B3GALT1: variants seen among roughly 807,000 people sequenced by gnomAD.
B3GALT1 encodes the protein UDP-Gal:betaGlcNAc beta 1,3-galactosyltransferase, polypeptide 1.
Under a neutral mutation model 23.2 loss-of-function variants are expected in B3GALT1, and 10 were observed. That is an observed-to-expected ratio of 0.43 (90% CI 0.27 to 0.73). B3GALT1 has a LOEUF of 0.73. B3GALT1 is among the 30% of genes least tolerant of loss of function. B3GALT1 has a pLI of 0.21. For synonymous variants in B3GALT1, 156 were observed against 141.5 expected, an observed-to-expected ratio of 1.10 and a Z score of -0.73; for missense variants, 299 against 405.4, an observed-to-expected ratio of 0.74 and a Z score of 2.25.
chr2:167,325,104 C>T (rs1696872113), intron 1 of B3GALT1, among the ~76,000 whole-genome samples: 1 of 152,080 alleles, frequency 6.6e-6, no homozygotes, highest in African/African-American at 2.4e-5. Flanking sequence ...TCCCATTTAT[C>T]CATTGATAGG....
At chr2:167,512,605 T>TAC (rs1423399130) in intron 2 of B3GALT1, among the ~76,000 whole-genome samples, 4 of 102,692 alleles carry the variant, frequency 3.9e-5, no homozygotes, top group African/African-American at 2.1e-4. Context: ...TATATATATA[T>TAC]ATGTATATAT....
intron 2 of B3GALT1, among the ~76,000 whole-genome samples, chr2:167,616,727 A>G (rs1685168557): frequency 6.6e-6 from 1 of 151,938 alleles, no homozygotes; most frequent in African/African-American, 2.4e-5. Flanking sequence ...TAACAAGAAT[A>G]TATACTGAAA....
chr2:167,775,568 C>A (rs1406697936), intron 3 of B3GALT1, among the ~76,000 whole-genome samples: 391 of 133,606 alleles, frequency 2.9e-3, no homozygotes, highest in Non-Finnish European at 4.2e-3. Flanking sequence ...GACGCTGTCT[C>A]AAAAAAAAAA....
In B3GALT1 at chr2:167,411,547, T is replaced by C. The variant is rs553644612; in HGVS notation, c.-510-78630T>C. On this transcript the variant is annotated intron_variant, in intron 1 of 4. Transcript: ENST00000392690. ...ATCTCACCCCAGTTAAGACTGCTTG[T>C]ATCAATAGACAGGCAATGACATCTG... 2.0e-5 allele frequency among the ~76,000 whole-genome samples: 3 copies of C among 152,310 alleles called. No homozygotes were observed. The South Asian group carries it at 6.2e-4, about 32-fold the overall frequency.
rs1199857773 is a variant in B3GALT1 at position 167,825,439 on chromosome 2, TGTGTGTGTGTGTGTGTGCGTGCAC to T, written c.-230+6661_-230+6684del. On this transcript the variant is annotated intron_variant, in intron 4 of 4. Transcript: ENST00000392690. ...AGAACCAATAAGATATATGCAGGGG[TGTGTGTGTGTGTGTGTGCGTGCAC>T]GTGTGTGTGTGTGTTATATATAAAT... 9.7e-5 allele frequency among the ~76,000 whole-genome samples: 14 copies of T among 144,418 alleles called. 1 individual carries two copies. The highest frequency in any genetic ancestry group is 2.3e-4 in the African/African-American group (9 of 38,926). The allele number at this position is 144,418 out of a possible 152,430, so 94.7% of individuals were successfully genotyped here.
intron 2 of B3GALT1, among the ~76,000 whole-genome samples, chr2:167,490,967 A>G (rs1310912992): frequency 1.3e-5 from 2 of 152,158 alleles, no homozygotes; most frequent in Admixed American, 6.5e-5. Flanking sequence ...TAACAAAATG[A>G]TAAAGAAGCT....
At chr2:167,352,193 T>G (rs1697320456) in intron 1 of B3GALT1, among the ~76,000 whole-genome samples, 1 of 149,722 alleles carries the variant, frequency 6.7e-6, no homozygotes, top group African/African-American at 2.5e-5. Flanking sequence ...GGTCTTGATC[T>G]CCTGACCTCG....
rs978087639 is a variant in B3GALT1 at position 167,415,856 on chromosome 2, A to G, written c.-510-74321A>G. 1.1e-4 allele frequency among the ~76,000 whole-genome samples: 17 copies of G among 152,344 alleles called. 1 individual carries two copies. Among genetic ancestry groups the G allele is most frequent in the South Asian group, 1.0e-3 (5 of 4,830 alleles). ...AGGGCTTTATGGATTGTAGAATTTA[A>G]GAGCAATGAATTAGGATATCTGATG... On this transcript the variant is annotated intron_variant, in intron 1 of 4. Transcript: ENST00000392690.
intron 4 of B3GALT1, among the ~76,000 whole-genome samples, chr2:167,847,307 A>G (rs1366539048): frequency 2.6e-5 from 4 of 152,216 alleles, no homozygotes; most frequent in Non-Finnish European, 4.4e-5. Flanking sequence ...GGCACATGGA[A>G]CTTTCTCCAA....
At chr2:167,370,669 C>T (rs1697668265) in intron 1 of B3GALT1, among the ~76,000 whole-genome samples, 1 of 152,130 alleles carries the variant, frequency 6.6e-6, no homozygotes, top group South Asian at 2.1e-4. Flanking sequence ...TGGGCTCTGT[C>T]TCCATGGTGT....
chr2:167,566,804 G>T (rs984487654), intron 2 of B3GALT1, among the ~76,000 whole-genome samples: 1 of 152,138 alleles, frequency 6.6e-6, no homozygotes, highest in Admixed American at 6.6e-5. Flanking sequence ...TTAAAAGGCA[G>T]TGTCAGTGAC....
intron 2 of B3GALT1, among the ~76,000 whole-genome samples, chr2:167,619,806 A>C (rs758421932): frequency 2.5e-4 from 38 of 151,006 alleles, no homozygotes; most frequent in Admixed American, 7.2e-4. Flanking sequence ...CTATTCATTC[A>C]TTTAGTCAGT....
chr2:167,482,090 C>T (rs1051952303), intron 1 of B3GALT1, among the ~76,000 whole-genome samples: 1 of 152,068 alleles, frequency 6.6e-6, no homozygotes, highest in African/African-American at 2.4e-5. Flanking sequence ...TAAGTTTAAA[C>T]AGCACAAATT....
At chr2:167,766,540 A>G (rs1687979159) in intron 3 of B3GALT1, among the ~76,000 whole-genome samples, 2 of 152,222 alleles carry the variant, frequency 1.3e-5, no homozygotes. Context: ...TGGGAATTTA[A>G]CCATGCCAAT....
chr2:167,441,165 A>G (rs1698887351), intron 1 of B3GALT1, among the ~76,000 whole-genome samples: 1 of 152,168 alleles, frequency 6.6e-6, no homozygotes. Context: ...GTGCATGACT[A>G]GTTCACATTC....
chr2:167,458,368 C>G (rs928347294), intron 1 of B3GALT1, among the ~76,000 whole-genome samples: 2 of 152,172 alleles, frequency 1.3e-5, no homozygotes, highest in Non-Finnish European at 2.9e-5. Flanking sequence ...CGCTTGGACA[C>G]TTGGGTTGCT....
intron 1 of B3GALT1, among the ~76,000 whole-genome samples, chr2:167,329,581 A>T (rs1473854664): frequency 6.6e-6 from 1 of 151,958 alleles, no homozygotes; most frequent in Admixed American, 6.6e-5. Context: ...CCCCACTATT[A>T]TTGTACTGCA....
chr2:167,715,498 T>C (rs1196065895), intron 3 of B3GALT1: 2 of 1,611,354 alleles, frequency 1.2e-6, no homozygotes, highest in African/African-American at 2.7e-5. Flanking sequence ...TGATTTTGGC[T>C]TCAGCTATTT....
At chr2:167,370,887 C>T (rs1418636732) in intron 1 of B3GALT1, among the ~76,000 whole-genome samples, 1 of 152,114 alleles carries the variant, frequency 6.6e-6, no homozygotes, top group Admixed American at 6.5e-5. Flanking sequence ...GATCACGCCA[C>T]TGCACTCCAG....
Sources: allele counts gnomAD v4.1 joint callset (sites outside exome capture counted in the v4.1 genomes callset), GRCh38; gene constraint gnomAD v4.1.1; transcripts MANE v1.5; gene names NCBI Gene and HGNC (gene_info 2026-07-23, HGNC 2026-07-21).